Variants in EXT1 observed in about 807,000 individuals in gnomAD.
EXT1 encodes exostosin glycosyltransferase 1.
Under a neutral mutation model 82.5 loss-of-function variants are expected in EXT1, and 20 were observed. That is an observed-to-expected ratio of 0.24 (90% CI 0.17 to 0.35). The LOEUF (loss-of-function observed/expected upper bound fraction) is 0.35. Among genes scored for constraint, EXT1 ranks in the 10% least tolerant of loss-of-function variants. EXT1 has a pLI of 1.00. For synonymous variants in EXT1, 348 were observed against 350.8 expected, an observed-to-expected ratio of 0.99 and a Z score of 0.09; for missense variants, 757 against 936.5, an observed-to-expected ratio of 0.81 and a Z score of 2.50.
intron 1 of EXT1, among the ~76,000 whole-genome samples, chr8:118,061,576 T>G (rs558376465): frequency 7.9e-5 from 12 of 152,314 alleles, no homozygotes; most frequent in African/African-American, 2.9e-4. Flanking sequence ...CATAAAAAGG[T>G]AAATTCTCCC....
chr8:117,873,392 G>T (rs992774696), intron 1 of EXT1, among the ~76,000 whole-genome samples: 3 of 150,616 alleles, frequency 2.0e-5, no homozygotes, highest in East Asian at 1.9e-4. Flanking sequence ...GTTGAGAGGG[G>T]TTAAGAAAAT....
At chr8:117,898,517 C>T (rs1377026027) in intron 1 of EXT1, among the ~76,000 whole-genome samples, 2 of 152,188 alleles carry the variant, frequency 1.3e-5, no homozygotes, top group East Asian at 1.9e-4. Flanking sequence ...ATTGAGAAGG[C>T]TCTTTTTGAT....
chr8:117,847,746 G>A (rs1015266188), intron 1 of EXT1, among the ~76,000 whole-genome samples: 1 of 152,204 alleles, frequency 6.6e-6, no homozygotes, highest in African/African-American at 2.4e-5. Flanking sequence ...GCCTGGATCA[G>A]GCCTCGGATT....
intron 1 of EXT1, among the ~76,000 whole-genome samples, chr8:117,984,502 G>A (rs868672445): frequency 4.0e-5 from 6 of 151,638 alleles, no homozygotes; most frequent in Admixed American, 3.3e-4. Flanking sequence ...ATTAAGGAAC[G>A]CCTCCCTCAT....
intron 1 of EXT1, among the ~76,000 whole-genome samples, chr8:117,908,630 A>G (rs1813585534): frequency 6.6e-6 from 1 of 152,076 alleles, no homozygotes; most frequent in African/African-American, 2.4e-5. Flanking sequence ...ACACCATCTC[A>G]AAACAAAAAC....
At chr8:117,916,634 T>C (rs1008109785) in intron 1 of EXT1, among the ~76,000 whole-genome samples, 1 of 152,134 alleles carries the variant, frequency 6.6e-6, no homozygotes, top group Admixed American at 6.5e-5. Context: ...TGTTTAAGGA[T>C]GGGTGCAGTG....
chr8:117,799,667 A>G lies in EXT1; in HGVS notation c.*45T>C, dbSNP rs373797260. ...TGCACTGGGAAGAGAGAGCAGCTTG[A>G]CCCCCATCCCTTCTTGCTTCCCCTC... On this transcript the variant is annotated 3_prime_UTR_variant, in exon 11 of 11. Coordinates refer to ENST00000378204, the MANE Select transcript of EXT1 (RefSeq NM_000127.3). 3 of 1,601,104 alleles carry G rather than the reference A, an allele frequency of 1.9e-6. No homozygotes were observed. The African/African-American group carries it at 4.0e-5, about 22-fold the overall frequency.
chr8:118,042,922 T>C (rs529884499), intron 1 of EXT1, among the ~76,000 whole-genome samples: 32 of 152,336 alleles, frequency 2.1e-4, no homozygotes, highest in African/African-American at 7.7e-4. Context: ...GCAGAAGGCA[T>C]AGCTCAATTA....
intron 1 of EXT1, among the ~76,000 whole-genome samples, chr8:118,071,146 G>A (rs918137925): frequency 7.9e-5 from 12 of 152,118 alleles, no homozygotes; most frequent in African/African-American, 2.4e-4. Context: ...AAATGATTCC[G>A]TCATTCAATT....
rs138035161 is a variant in EXT1, at chr8:118,034,260, G to A, written c.962+75825C>T. ...AAATCCCTTTGGAATCTTGCTGTGGGTGATTCTGAGGCAATCCCAGAAGGG... is the reference window on the plus strand; with the variant it reads ...AAATCCCTTTGGAATCTTGCTGTGGATGATTCTGAGGCAATCCCAGAAGGG... On this transcript the variant is annotated intron_variant, in intron 1 of 10. Transcript: ENST00000378204. 4.5e-4 allele frequency among the ~76,000 whole-genome samples: 69 copies of A among 152,254 alleles called. 2 individuals carry two copies. In the East Asian group the frequency reaches 0.011, roughly 25 times the overall value.
intron 1 of EXT1, among the ~76,000 whole-genome samples, chr8:117,941,616 C>T (rs889351587): frequency 6.6e-6 from 1 of 152,204 alleles, no homozygotes; most frequent in African/African-American, 2.4e-5. Context: ...TTTTTCAGCC[C>T]AAACCACATC....
At chr8:117,940,780 T>C (rs909037076) in intron 1 of EXT1, among the ~76,000 whole-genome samples, 4 of 152,176 alleles carry the variant, frequency 2.6e-5, no homozygotes, top group African/African-American at 7.2e-5. Flanking sequence ...CAGTAGGAGT[T>C]TGACCTGTGG....
At chr8:117,987,340 C>A (rs1285578063) in intron 1 of EXT1, among the ~76,000 whole-genome samples, 2 of 152,214 alleles carry the variant, frequency 1.3e-5, no homozygotes, top group African/African-American at 4.8e-5. Context: ...GATCCTCCAA[C>A]TCCTTGCACA....
intron 1 of EXT1, among the ~76,000 whole-genome samples, chr8:118,078,051 T>C (rs1259374761): frequency 2.6e-5 from 4 of 152,190 alleles, no homozygotes; most frequent in African/African-American, 4.8e-5. Flanking sequence ...TGATTTAGTC[T>C]TGGCCATTTT....
intron 1 of EXT1, among the ~76,000 whole-genome samples, chr8:118,100,724 G>A (rs969172578): frequency 6.6e-6 from 1 of 151,562 alleles, no homozygotes; most frequent in Non-Finnish European, 1.5e-5. Flanking sequence ...CCAGCCTGGC[G>A]ACAGAGCGAG....
chr8:118,044,306 T>A (rs1001142853), intron 1 of EXT1, among the ~76,000 whole-genome samples: 1 of 152,104 alleles, frequency 6.6e-6, no homozygotes, highest in African/African-American at 2.4e-5. Context: ...TAATGGTTGA[T>A]CAAACCAGAA....
chr8:117,973,912 G>GGAAAGAAA (rs1815009881), intron 1 of EXT1, among the ~76,000 whole-genome samples: 1 of 104,988 alleles, frequency 9.5e-6, no homozygotes, highest in Non-Finnish European at 1.9e-5. Flanking sequence ...AAGGAAAGGA[G>GGAAAGAAA]GGAAGAAAGG....
At chr8:117,912,552 C>A (rs967845158) in intron 1 of EXT1, among the ~76,000 whole-genome samples, 1 of 152,128 alleles carries the variant, frequency 6.6e-6, no homozygotes, top group African/African-American at 2.4e-5. Flanking sequence ...GTCTGGGATG[C>A]AGGCTTCCTA....
At chr8:117,805,450 G>C (rs932670308) in intron 9 of EXT1, among the ~76,000 whole-genome samples, 48 of 152,032 alleles carry the variant, frequency 3.2e-4, no homozygotes, top group Admixed American at 2.8e-3. Context: ...TGAATTAATG[G>C]GGTGGTCAAT....
Sources: gnomAD v4.1 joint callset for allele counts (sites outside exome capture counted in the v4.1 genomes callset) on GRCh38, gnomAD v4.1.1 for gene constraint, MANE v1.5 for transcripts, NCBI Gene and HGNC (gene_info 2026-07-23, HGNC 2026-07-21) for gene names.